Variants in VWA8 observed in about 807,000 individuals in gnomAD.
The protein encoded by VWA8 is von Willebrand factor A domain-containing protein 8.
In VWA8, 221 loss-of-function variants were observed where a neutral mutation model predicts 241.5. The observed-to-expected ratio is 0.91, with a 90% CI of 0.82 to 1.02. VWA8 has a LOEUF of 1.02. Among genes scored for constraint, VWA8 ranks in the 50% least tolerant of loss-of-function variants. The pLI, the probability that VWA8 is intolerant of heterozygous loss-of-function variation, is 0.00. For missense variants in VWA8, 2,322 were observed against 2,328.7 expected (o/e 1.00, Z 0.06); for synonymous variants, 852 against 827.1 (o/e 1.03, Z -0.52).
At chr13:41,864,032 A>T (rs1292210796) in intron 12 of VWA8, among the ~76,000 whole-genome samples, 1 of 152,164 alleles carries the variant, frequency 6.6e-6, no homozygotes, top group Non-Finnish European at 1.5e-5. Context: ...GAAGATATAC[A>T]AATAGCCAGT....
chr13:41,797,336 G>C (rs1330322798), intron 17 of VWA8, among the ~76,000 whole-genome samples: 1 of 151,902 alleles, frequency 6.6e-6, no homozygotes, highest in Non-Finnish European at 1.5e-5. Context: ...CACCACACCT[G>C]GACAAAACTG....
At chr13:41,619,698 G>A (rs530664350) in intron 37 of VWA8, among the ~76,000 whole-genome samples, 25 of 152,130 alleles carry the variant, frequency 1.6e-4, no homozygotes, top group Non-Finnish European at 2.8e-4. Context: ...GAATTTTGTC[G>A]AAGGCCTTTT....
chr13:41,833,423 G>C lies in VWA8; in HGVS notation c.1534C>G (p.Leu512Val). The C allele has an allele frequency of 6.2e-7, 1 of 1,613,974 alleles. No homozygotes were observed. Among genetic ancestry groups the C allele is most frequent in the African/African-American group, 1.3e-5 (1 of 75,034 alleles). The change falls in exon 13 of 45, where the codon CTG becomes GTG. Residue 512 changes from leucine to valine, a missense_variant. Leu to Val is a conservative substitution (Grantham distance 32). Coordinates refer to ENST00000379310, the MANE Select transcript of VWA8 (RefSeq NM_015058.2). Reference sequence around the variant, plus strand: ...TTCACCCGGTGAATGCCATCCAGCAGGACCAGCTTGCCTTCCAGAGCAGCA... The same window carrying C: ...TTCACCCGGTGAATGCCATCCAGCACGACCAGCTTGCCTTCCAGAGCAGCA... The part of the protein sequence containing the change: ...VNAALEGKLV[L>V]LDGIHRVNAG...
chr13:41,833,521 G>A lies in VWA8; in HGVS notation c.1436C>T (p.Ala479Val), dbSNP rs763516783. 8.7e-6 allele frequency: 14 copies of A among 1,608,704 alleles called. No homozygotes were observed. Among genetic ancestry groups the A allele is most frequent in the South Asian group, 6.7e-5 (6 of 90,186 alleles). Residue 479 changes from alanine (A) to valine (V), a missense_variant, in exon 13 of 45, where the codon GCG (alanine) becomes GTG (valine). Coordinates refer to ENST00000379310, the MANE Select transcript of VWA8 (RefSeq NM_015058.2). ...EPIMLYQDMT[A>V]RDLLQQRYTL... The stretch of plus-strand genomic sequence containing the variant: ...GTATCTCTGCTGTAGCAGATCACGC[G>A]CTGTCATATCCTAAAACAAATCCCC...
At chr13:41,909,525 A>G (rs989739550) in intron 3 of VWA8, among the ~76,000 whole-genome samples, 1 of 152,256 alleles carries the variant, frequency 6.6e-6, no homozygotes, top group Admixed American at 6.5e-5. Flanking sequence ...TGCTTCTGGA[A>G]CACATCACTA....
chr13:41,826,962 A>C (rs1358979421), intron 14 of VWA8, among the ~76,000 whole-genome samples: 3 of 152,226 alleles, frequency 2.0e-5, no homozygotes, highest in Non-Finnish European at 4.4e-5. Flanking sequence ...GGGGAGATTT[A>C]GACAGTAAGG....
Position 41,825,364 on chromosome 13 carries a change from C to T in VWA8, c.1700+5165G>A, listed in dbSNP as rs370110634. 1.2e-4 allele frequency among the ~76,000 whole-genome samples: 18 copies of T among 152,208 alleles called. No individual in the cohort carries two copies. In the East Asian group the frequency reaches 2.7e-3, roughly 23 times the overall value. On this transcript the variant is annotated intron_variant, in intron 14 of 44. Coordinates refer to ENST00000379310, the MANE Select transcript of VWA8 (RefSeq NM_015058.2). ...GAGAGTGAATGACTCCATGGATTAC[C>T]GTTATAACATTCATGTTCAAAAACA... is the stretch of plus-strand genomic sequence containing the variant.
At position 41,787,423 on chromosome 13, in the gene VWA8, A is replaced by T; in HGVS notation, c.2170+14T>A. 6.3e-7 allele frequency: 1 copy of T among 1,577,496 alleles called. No individual in the cohort carries two copies. Among genetic ancestry groups the T allele is most frequent in the Non-Finnish European group, 8.7e-7 (1 of 1,148,818 alleles). ...TTATTTCACTTAAAAAAAAGAGCCA[A>T]ATCAAATACTTACATTTGTAATCCT... On this transcript the variant is annotated intron_variant, in intron 18 of 44. Transcript: ENST00000379310.
intron 21 of VWA8, among the ~76,000 whole-genome samples, chr13:41,742,248 T>G (rs1041660450): frequency 6.6e-6 from 1 of 152,210 alleles, no homozygotes; most frequent in Non-Finnish European, 1.5e-5. Flanking sequence ...AAATGGATGT[T>G]CCAAAGATGG....
At chr13:41,789,334 T>C (rs1388093006) in intron 17 of VWA8, among the ~76,000 whole-genome samples, 4 of 152,222 alleles carry the variant, frequency 2.6e-5, no homozygotes. Context: ...TATTACTCTT[T>C]ACTATCCTAG....
chr13:41,897,931 G>C (rs1233287871), intron 4 of VWA8, among the ~76,000 whole-genome samples: 1 of 152,176 alleles, frequency 6.6e-6, no homozygotes, highest in Non-Finnish European at 1.5e-5. Context: ...GAGCCGAGTG[G>C]TCTGTTTTGA....
chr13:41,938,322 G>A (rs191434149), intron 2 of VWA8, among the ~76,000 whole-genome samples: 86 of 152,200 alleles, frequency 5.7e-4, no homozygotes, highest in African/African-American at 2.0e-3. Context: ...GGCTTTAAAC[G>A]TTGATGAGCC....
chr13:41,625,703 A>G (rs2044685506), intron 37 of VWA8, among the ~76,000 whole-genome samples: 1 of 152,088 alleles, frequency 6.6e-6, no homozygotes, highest in Admixed American at 6.6e-5. Flanking sequence ...AACTAGAAAT[A>G]CCATTTGACC....
At chr13:41,919,938 C>G (rs1876434218) in intron 2 of VWA8, among the ~76,000 whole-genome samples, 1 of 152,138 alleles carries the variant, frequency 6.6e-6, no homozygotes, top group Non-Finnish European at 1.5e-5. Context: ...TGCCTCTGCC[C>G]TACAGGTCAA....
At chr13:41,818,636 C>T (rs1870808189) in intron 15 of VWA8, among the ~76,000 whole-genome samples, 1 of 152,062 alleles carries the variant, frequency 6.6e-6, no homozygotes, top group African/African-American at 2.4e-5. Flanking sequence ...AGTTCTAAAA[C>T]TCCAAAAGTG....
At chr13:41,703,160 G>C (rs185255784) in intron 27 of VWA8, 143 bp downstream of exon 27, 189 of 666,608 alleles carry the variant, frequency 2.8e-4, no homozygotes, top group Middle Eastern at 2.4e-3. Context: ...CAACTGAGAG[G>C]CCAGCCTGAT....
At chr13:41,881,719 G>T (rs1341872717) in intron 9 of VWA8, among the ~76,000 whole-genome samples, 8 of 146,332 alleles carry the variant, frequency 5.5e-5, no homozygotes, top group East Asian at 2.1e-4. Flanking sequence ...GCGGCTGGCC[G>T]GGCTGGGGGC....
At chr13:41,908,358 C>A (rs1040414745) in intron 3 of VWA8, among the ~76,000 whole-genome samples, 1 of 151,888 alleles carries the variant, frequency 6.6e-6, no homozygotes, top group African/African-American at 2.4e-5. Flanking sequence ...CCCTGCTACT[C>A]GGGAGGCTGA....
At chr13:41,856,956 TAGAC>T (rs1269045506) in intron 12 of VWA8, among the ~76,000 whole-genome samples, 1 of 152,134 alleles carries the variant, frequency 6.6e-6, no homozygotes, top group Non-Finnish European at 1.5e-5. Context: ...GTTAGAATAA[TAGAC>T]AGGTGTTTTA....
Sources: allele counts gnomAD v4.1 joint callset (sites outside exome capture counted in the v4.1 genomes callset), GRCh38; gene constraint gnomAD v4.1.1; transcripts MANE v1.5; gene names NCBI Gene and HGNC (gene_info 2026-07-23, HGNC 2026-07-21).